CSMD1: variants seen among roughly 807,000 people sequenced by gnomAD.
CSMD1 encodes the protein CUB and Sushi multiple domains 1.
Under a neutral mutation model 417.5 loss-of-function variants are expected in CSMD1, and 213 were observed. The ratio of observed to expected loss-of-function variants is 0.51; its 90% CI spans 0.46 to 0.57. The LOEUF is 0.57. Among genes scored for constraint, CSMD1 ranks in the 20% least tolerant of loss-of-function variants. The pLI is 0.00. For synonymous variants in CSMD1, 2,862 were observed against 1,736.8 expected, an observed-to-expected ratio of 1.65 and a Z score of -16.11; for missense variants, 6,923 against 4,529.7, an observed-to-expected ratio of 1.53 and a Z score of -15.17.
At chr8:4,400,079 G>A (rs1411344490) in intron 3 of CSMD1, among the ~76,000 whole-genome samples, 2 of 152,074 alleles carry the variant, frequency 1.3e-5, no homozygotes, top group Non-Finnish European at 2.9e-5. Context: ...CCAAAAGAGA[G>A]ATCTAAATAC....
intron 3 of CSMD1, among the ~76,000 whole-genome samples, chr8:4,224,225 C>T (rs1444972599): frequency 1.4e-4 from 2 of 14,078 alleles, no homozygotes; most frequent in African/African-American, 5.7e-4. Flanking sequence ...CCTAAAAAGG[C>T]CTTTTTCAGA....
At chr8:4,495,465 C>A (rs1386204165) in intron 2 of CSMD1, among the ~76,000 whole-genome samples, 2 of 151,988 alleles carry the variant, frequency 1.3e-5, no homozygotes, top group African/African-American at 4.8e-5. Flanking sequence ...ATCCCACCTA[C>A]TCGGGAGGCT....
intron 6 of CSMD1, among the ~76,000 whole-genome samples, chr8:3,732,643 T>C (rs1157053025): frequency 6.6e-6 from 1 of 152,218 alleles, no homozygotes; most frequent in Non-Finnish European, 1.5e-5. Flanking sequence ...GTTTGTTTGC[T>C]TGTTTGAACA....
intron 35 of CSMD1, 42 bp from the exon 36 acceptor site, chr8:3,188,007 A>C: frequency 6.5e-7 from 1 of 1,534,916 alleles, no homozygotes; most frequent in Non-Finnish European, 8.9e-7. Context: ...TTTTTGGCTT[A>C]ACACAATTAG....
chr8:4,529,868 C>A (rs1796702791), intron 2 of CSMD1, among the ~76,000 whole-genome samples: 1 of 138,090 alleles, frequency 7.2e-6, no homozygotes, highest in Non-Finnish European at 1.5e-5. Context: ...CATGCTGCTG[C>A]CATTGTTTTT....
At chr8:3,112,728 G>A (rs542260503) in intron 42 of CSMD1, among the ~76,000 whole-genome samples, 3 of 152,290 alleles carry the variant, frequency 2.0e-5, no homozygotes, top group African/African-American at 7.2e-5. Context: ...GAGATATTAA[G>A]CAAACACTAC....
intron 7 of CSMD1, among the ~76,000 whole-genome samples, chr8:3,702,631 G>A (rs1181200058): frequency 1.3e-5 from 2 of 152,234 alleles, no homozygotes; most frequent in African/African-American, 4.8e-5. Context: ...AGGAATTCAA[G>A]ATCAGCTTTT....
intron 3 of CSMD1, among the ~76,000 whole-genome samples, chr8:4,357,733 G>T (rs185888349): frequency 6.6e-6 from 1 of 152,148 alleles, no homozygotes; most frequent in Non-Finnish European, 1.5e-5. Context: ...AGATACTCAA[G>T]CCAAAATTTT....
chr8:3,087,868 A>C (rs575115947), intron 48 of CSMD1, among the ~76,000 whole-genome samples: 2 of 152,376 alleles, frequency 1.3e-5, no homozygotes, highest in South Asian at 4.1e-4. Context: ...ACTGCACAAG[A>C]CATCATATTT....
At chr8:4,521,764 C>G (rs1160460428) in intron 2 of CSMD1, among the ~76,000 whole-genome samples, 1 of 152,138 alleles carries the variant, frequency 6.6e-6, no homozygotes, top group Non-Finnish European at 1.5e-5. Flanking sequence ...TTAGAGAAAG[C>G]TCTTCACTGG....
At chr8:4,452,069 ATGATCTCCTCTGCTTTCTTTAGAAAT>A (rs1252987212) in intron 2 of CSMD1, among the ~76,000 whole-genome samples, 1 of 152,062 alleles carries the variant, frequency 6.6e-6, no homozygotes, top group Non-Finnish European at 1.5e-5. Flanking sequence ...AGGGGCCAGA[ATGATCTCCTCTGCTTTCTTTAGAAAT>A]TTAGGGCAGT....
At chr8:3,251,284 C>T (rs1254278472) in intron 26 of CSMD1, among the ~76,000 whole-genome samples, 1 of 152,174 alleles carries the variant, frequency 6.6e-6, no homozygotes. Context: ...CTACATATGG[C>T]TAGCCAGTTT....
chr8:4,026,681 T>G (rs1006989726), intron 4 of CSMD1, among the ~76,000 whole-genome samples: 3 of 152,226 alleles, frequency 2.0e-5, no homozygotes, highest in Admixed American at 2.0e-4. Context: ...AAATATAAAA[T>G]AGCAATCAGA....
intron 3 of CSMD1, among the ~76,000 whole-genome samples, chr8:4,104,426 GCGCACACGCATGCACACACA>G (rs1165131314): frequency 2.7e-5 from 4 of 146,538 alleles, no homozygotes. Context: ...ACACACACAT[GCGCACACGCATGCACACACA>G]CACACAGGAT....
At chr8:3,321,066 C>G (rs542899604) in intron 23 of CSMD1, among the ~76,000 whole-genome samples, 10 of 152,290 alleles carry the variant, frequency 6.6e-5, no homozygotes, top group East Asian at 1.9e-4. Flanking sequence ...CTCTCAATCT[C>G]TTCCACCTTT....
chr8:4,065,955 T>C lies in CSMD1; in HGVS notation c.416-33856A>G, dbSNP rs372740180. On this transcript the variant is annotated intron_variant, in intron 3 of 69. Transcript: ENST00000635120. ...TTAGAGAAAACTGACAAATCATTGATGTTCGTCCAATTTGGGTGAAAAATA... is the reference window on the plus strand; with the variant it reads ...TTAGAGAAAACTGACAAATCATTGACGTTCGTCCAATTTGGGTGAAAAATA... 7.9e-5 allele frequency among the ~76,000 whole-genome samples: 12 copies of C among 152,332 alleles called. No individual in the cohort carries two copies. The East Asian group carries it at 1.7e-3, about 22-fold the overall frequency.
intron 5 of CSMD1, among the ~76,000 whole-genome samples, chr8:3,911,424 A>T (rs1391284026): frequency 6.6e-6 from 1 of 151,644 alleles, no homozygotes; most frequent in Non-Finnish European, 1.5e-5. Flanking sequence ...GTTACTCGGG[A>T]GGCTGAGGCA....
At chr8:4,193,323 A>C (rs1348527947) in intron 3 of CSMD1, among the ~76,000 whole-genome samples, 1 of 151,934 alleles carries the variant, frequency 6.6e-6, no homozygotes, top group Non-Finnish European at 1.5e-5. Context: ...GCTTTCAAAG[A>C]ACGTCCTCCA....
In CSMD1 at chr8:3,983,135, C is replaced by CTTTTTTTTTTTT. The variant is rs201667296; in HGVS notation, c.818+14756_818+14767dup. On this transcript the variant is annotated intron_variant, in intron 5 of 69. Coordinates refer to ENST00000635120, the MANE Select transcript of CSMD1 (RefSeq NM_033225.6). ...TATGCATCCTCCCACATCTTTCTTT[C>CTTTTTTTTTTTT]TTTTTTTTTTTTTGAGACGGACTCT... Among the ~76,000 whole-genome samples, 54 of 133,514 alleles carry CTTTTTTTTTTTT rather than the reference C, an allele frequency of 4.0e-4. 2 individuals are homozygous for CTTTTTTTTTTTT. The highest frequency in any genetic ancestry group is 1.0e-3 in the African/African-American group (36 of 34,522). The allele number at this position is 133,514 out of a possible 152,430, so 87.6% of individuals were successfully genotyped here.
Sources: allele counts gnomAD v4.1 joint callset (sites outside exome capture counted in the v4.1 genomes callset), GRCh38; gene constraint gnomAD v4.1.1; transcripts MANE v1.5; gene names NCBI Gene and HGNC (gene_info 2026-07-23, HGNC 2026-07-21).